The following PACS2 variants were observed in gnomAD, a reference collection of about 807,000 sequenced individuals.
The protein encoded by PACS2 is phosphofurin acidic cluster sorting protein 2.
A neutral mutation model predicts 113.0 loss-of-function variants in PACS2; 36 were observed. The observed-to-expected ratio is 0.32, with a 90% CI of 0.24 to 0.42. The LOEUF (loss-of-function observed/expected upper bound fraction) is 0.42, where lower values mean the gene tolerates loss of function less well. Ranked by LOEUF, PACS2 falls within the 10% of genes least tolerant of loss-of-function variation. PACS2 has a pLI of 1.00. For synonymous variants in PACS2, 589 were observed against 536.1 expected, an observed-to-expected ratio of 1.10 and a Z score of -1.36; for missense variants, 1,015 against 1,239.5, an observed-to-expected ratio of 0.82 and a Z score of 2.72.
Position 105,325,722 on chromosome 14 carries a change from A to G in PACS2, c.119+10685A>G, listed in dbSNP as rs114506586. The stretch of plus-strand genomic sequence containing the variant: ...AGCACTGTCCCTTCCCTGGCAGGCC[A>G]GGATGTGGATCCACAGCGAGGCAGA... On this transcript the variant is annotated intron_variant, in intron 1 of 24. Transcript: ENST00000447393. 3.7e-3 allele frequency among the ~76,000 whole-genome samples: 560 copies of G among 152,368 alleles called. 4 individuals are homozygous for G. The highest frequency in any genetic ancestry group is 0.013 in the African/African-American group (540 of 41,590).
At chr14:105,344,408 C>T (rs187424208) in intron 1 of PACS2, among the ~76,000 whole-genome samples, 37 of 152,104 alleles carry the variant, frequency 2.4e-4, no homozygotes, top group African/African-American at 7.2e-4. Context: ...CTCCCACACC[C>T]GGCCCAGAAA....
At chr14:105,304,493 TAAATAAAATA>T (rs60177512) in intron 1 of PACS2, among the ~76,000 whole-genome samples, 2 of 151,782 alleles carry the variant, frequency 1.3e-5, no homozygotes, top group South Asian at 2.1e-4. Context: ...CATCTCACAA[TAAATAAAATA>T]AAATAAAATA....
intron 2 of PACS2, among the ~76,000 whole-genome samples, chr14:105,352,064 G>GTGC (rs1192519172): frequency 2.0e-5 from 3 of 152,170 alleles, no homozygotes; most frequent in Non-Finnish European, 2.9e-5. Flanking sequence ...GCGCAGTCAG[G>GTGC]TGCTGCTGCA....
intron 3 of PACS2, among the ~76,000 whole-genome samples, chr14:105,353,336 G>A (rs1455415037): frequency 7.1e-6 from 1 of 140,848 alleles, no homozygotes; most frequent in African/African-American, 2.7e-5. Flanking sequence ...TGTCCCCTGG[G>A]GAGACGGGCG....
In PACS2 at chr14:105,381,974, A is replaced by G. The variant is rs1555412156; in HGVS notation, c.1329A>G (p.Ala443=). The G allele has an allele frequency of 6.5e-7, 1 of 1,550,210 alleles. No individual in the cohort carries two copies. The highest frequency in any genetic ancestry group is 1.4e-5 in the African/African-American group (1 of 73,104). ...GRSTSLKERQ[A]ARPQNERANS... ...GCACATCCTTGAAGGAGCGGCAGGC[A>G]GCACGGCCCCAGAATGAGCGGGCCA... Residue 443 remains alanine (A), a synonymous_variant, in exon 13 of 25, where the codon GCA becomes GCG. Transcript: ENST00000447393.
intron 1 of PACS2, among the ~76,000 whole-genome samples, chr14:105,345,945 C>T (rs1474838661): frequency 6.6e-6 from 1 of 152,194 alleles, no homozygotes; most frequent in African/African-American, 2.4e-5. Context: ...TCTGCCAAGT[C>T]CTAGGAGACT....
Position 105,392,669 on chromosome 14 carries a change from C to T in PACS2, c.2306C>T (p.Ala769Val). 1 of 1,612,322 alleles carries T rather than the reference C, an allele frequency of 6.2e-7. No individual in the cohort carries two copies. The highest frequency in any genetic ancestry group is 8.5e-7 in the Non-Finnish European group (1 of 1,179,722). The stretch of plus-strand genomic sequence containing the variant: ...GGGCTGCAGGTGGACTACTGGACGG[C>T]AGCACAGCCTGCGGACAGGAAGAGG... ...LMGLQVDYWT[A>V]AQPADRKRDA... The change falls in exon 23 of 25, where the codon GCA becomes GTA. Residue 769 changes from alanine to valine, a missense_variant. This residue lies in a region of PACS2 where 859 missense variants were observed against 1,056.8 expected (regional missense o/e 0.81). Coordinates refer to ENST00000447393, the MANE Select transcript of PACS2 (RefSeq NM_001100913.3).
intron 1 of PACS2, among the ~76,000 whole-genome samples, chr14:105,337,653 C>T (rs907428450): frequency 6.6e-6 from 1 of 152,182 alleles, no homozygotes; most frequent in African/African-American, 2.4e-5. Context: ...TTGGGCCTCT[C>T]GTCTTTTGGG....
intron 3 of PACS2, among the ~76,000 whole-genome samples, chr14:105,353,039 A>G (rs1244234983): frequency 9.5e-5 from 8 of 83,850 alleles, no homozygotes; most frequent in Admixed American, 2.6e-4. Flanking sequence ...CACCCCCATC[A>G]CTGTCCCCTG....
chr14:105,307,746 G>A (rs2058231186), intron 1 of PACS2, among the ~76,000 whole-genome samples: 1 of 152,232 alleles, frequency 6.6e-6, no homozygotes, highest in Non-Finnish European at 1.5e-5. Context: ...ACAGGGATAA[G>A]AATAGCCCAC....
At chr14:105,301,482 GACCCA>G (rs1439661004) in intron 1 of PACS2, among the ~76,000 whole-genome samples, 1 of 151,352 alleles carries the variant, frequency 6.6e-6, no homozygotes, top group Non-Finnish European at 1.5e-5. Flanking sequence ...GGCGACCTGG[GACCCA>G]ACCCCGGGCT....
Position 105,393,587 on chromosome 14 carries a change from G to GT in PACS2, c.2596+256dup, listed in dbSNP as rs1555415639. On this transcript the variant is annotated intron_variant, in intron 24 of 24. Transcript: ENST00000447393. ...GTTTCGTTTTTCTTGTTTGTTTTTT[G>GT]TTTTGGTTTTTTTTTTTTTGAGACA... 1.8e-5 allele frequency: 7 copies of GT among 396,738 alleles called. No individual in the cohort carries two copies. In the South Asian group the frequency reaches 2.0e-4, roughly 11 times the overall value. 24.6% of individuals were successfully genotyped at this position (396,738 alleles called of 1,614,324 possible).
chr14:105,301,124 G>C (rs2058003216), intron 1 of PACS2: 1 of 152,626 alleles, frequency 6.6e-6, no homozygotes, highest in African/African-American at 2.4e-5. Context: ...TGCAGCCGGG[G>C]ACGGGACCCA....
intron 21 of PACS2, 168 bp downstream of exon 21, chr14:105,391,417 G>A (rs1486836519): frequency 3.0e-6 from 2 of 664,904 alleles, no homozygotes; most frequent in Admixed American, 5.1e-5. Flanking sequence ...TCCAAGGACT[G>A]CTGTCACAAA....
intron 20 of PACS2, chr14:105,390,640 C>A: frequency 5.9e-6 from 1 of 168,818 alleles, no homozygotes; most frequent in Non-Finnish European, 1.3e-5. Flanking sequence ...GGAACAGAGG[C>A]CTTTTTGTGC....
At position 105,397,537 on chromosome 14, in the gene PACS2, C is replaced by T. The variant is rs1447985291; in HGVS notation, c.*2865C>T. ...CTATTACGTAGACAGACCCCACCCT[C>T]ACCCAGGCCAGCTGTGGGCCAGTCC... On this transcript the variant is annotated 3_prime_UTR_variant, in exon 25 of 25. Coordinates refer to ENST00000447393, the MANE Select transcript of PACS2 (RefSeq NM_001100913.3). 2.0e-5 allele frequency: 3 copies of T among 152,346 alleles called. No homozygotes were observed. Among genetic ancestry groups the T allele is most frequent in the Non-Finnish European group, 1.5e-5 (1 of 68,114 alleles). The allele number at this position is 152,346 out of a possible 1,614,324, so 9.4% of individuals were successfully genotyped here. A position where few individuals can be genotyped will look rare whatever the true frequency, so the allele number is the denominator to read the frequency against.
At position 105,308,838 on chromosome 14, in the gene PACS2, G is replaced by T. The variant is rs149361247; in HGVS notation, c.-83+7859G>T. Among the ~76,000 whole-genome samples, 1,279 of 152,162 alleles carry T rather than the reference G, an allele frequency of 8.4e-3. 17 individuals carry two copies. Among genetic ancestry groups the T allele is most frequent in the African/African-American group, 0.029 (1,208 of 41,520 alleles). ...TTAAAACCCTTAGGGACCCAGCACA[G>T]TGGTTCACACTTGTAATCCCAGCAC... On this transcript the variant is annotated intron_variant, in intron 1 of 23. Coordinates refer to the PACS2 transcript ENST00000430725.
chr14:105,375,245 C>T (rs1285384607), intron 8 of PACS2, among the ~76,000 whole-genome samples: 3 of 151,988 alleles, frequency 2.0e-5, no homozygotes, highest in Non-Finnish European at 2.9e-5. Flanking sequence ...TTTGGGAGGC[C>T]GAGGCGGGTG....
intron 1 of PACS2, among the ~76,000 whole-genome samples, chr14:105,327,552 C>G (rs587687790): frequency 2.0e-5 from 3 of 152,054 alleles, no homozygotes; most frequent in Admixed American, 6.5e-5. Flanking sequence ...CGCTAGCGCT[C>G]GGAGCCTGTG....
Sources: allele counts gnomAD v4.1 joint callset (sites outside exome capture counted in the v4.1 genomes callset), GRCh38; gene constraint gnomAD v4.1.1; regional missense constraint gnomAD v4.1.1; transcripts MANE v1.5; gene names NCBI Gene and HGNC (gene_info 2026-07-23, HGNC 2026-07-21).